Variants in NRXN3 observed in about 807,000 individuals in gnomAD.
NRXN3 encodes neurexin III.
A neutral mutation model predicts 137.6 loss-of-function variants in NRXN3; 32 were observed. The ratio of observed to expected loss-of-function variants is 0.23; its 90% CI spans 0.18 to 0.31. The LOEUF (loss-of-function observed/expected upper bound fraction) is 0.31. NRXN3 is among the 10% of genes least tolerant of loss of function. The probability of loss-of-function intolerance (pLI) is 1.00; values close to 1 mark genes in which losing one functional copy is unlikely to be tolerated. For synonymous variants in NRXN3, 798 were observed against 784.5 expected (o/e 1.02, Z -0.29); for missense variants, 1,574 against 2,062.5 (o/e 0.76, Z 4.59).
chr14:79,582,110 T>A (rs974152930), intron 16 of NRXN3, among the ~76,000 whole-genome samples: 1 of 152,066 alleles, frequency 6.6e-6, no homozygotes, highest in Admixed American at 6.6e-5. Context: ...TTTGTTTGTT[T>A]GTTTGTTTTT....
chr14:79,184,722 C>T (rs952981770), intron 15 of NRXN3, among the ~76,000 whole-genome samples: 10 of 152,106 alleles, frequency 6.6e-5, no homozygotes, highest in Admixed American at 2.6e-4. Context: ...AAAATGTCAT[C>T]CTTGGGACTT....
At chr14:79,467,889 A>G (rs2096451437) in intron 16 of NRXN3, among the ~76,000 whole-genome samples, 1 of 152,240 alleles carries the variant, frequency 6.6e-6, no homozygotes, top group Non-Finnish European at 1.5e-5. Context: ...AGGCAGCCAC[A>G]GACAATACAT....
chr14:79,021,361 G>C (rs1486239600), intron 15 of NRXN3, among the ~76,000 whole-genome samples: 1 of 152,202 alleles, frequency 6.6e-6, no homozygotes, highest in African/African-American at 2.4e-5. Flanking sequence ...TATGGAAGAT[G>C]CTCTTCAGCT....
chr14:79,776,178 G>A (rs1358331648), intron 19 of NRXN3, among the ~76,000 whole-genome samples: 1 of 152,122 alleles, frequency 6.6e-6, no homozygotes, highest in Non-Finnish European at 1.5e-5. Flanking sequence ...TGTTACTATG[G>A]TGATGTATTT....
chr14:78,983,868 A>G (rs146627598), intron 14 of NRXN3, among the ~76,000 whole-genome samples: 18,036 of 150,254 alleles, frequency 0.12, 1,463 homozygotes, highest in East Asian at 0.46. Context: ...AAAAAAAAAA[A>G]AAAAGAAAAA....
intron 10 of NRXN3, among the ~76,000 whole-genome samples, chr14:78,943,661 TATA>T (rs2099359492): frequency 1.2e-5 from 1 of 80,042 alleles, no homozygotes; most frequent in Admixed American, 1.2e-4. Context: ...TATATATATA[TATA>T]TATATATATA....
intron 4 of NRXN3, among the ~76,000 whole-genome samples, chr14:78,611,907 G>C (rs528089753): frequency 6.6e-6 from 1 of 152,188 alleles, no homozygotes; most frequent in African/African-American, 2.4e-5. Context: ...TTGTTGATAA[G>C]ATTGGTTTAT....
chr14:79,198,508 T>G (rs533114201), intron 15 of NRXN3, among the ~76,000 whole-genome samples: 1 of 152,340 alleles, frequency 6.6e-6, no homozygotes, highest in Non-Finnish European at 1.5e-5. Flanking sequence ...TTTGCTTCAT[T>G]AGACAGCTAT....
At chr14:79,463,628 C>T (rs2096382119) in intron 15 of NRXN3, among the ~76,000 whole-genome samples, 3 of 152,114 alleles carry the variant, frequency 2.0e-5, no homozygotes, top group Admixed American at 1.3e-4. Flanking sequence ...ACTTGCAAAT[C>T]CTGCAGTGTT....
At chr14:78,642,263 A>T (rs1360428802) in intron 4 of NRXN3, among the ~76,000 whole-genome samples, 1 of 152,202 alleles carries the variant, frequency 6.6e-6, no homozygotes, top group Non-Finnish European at 1.5e-5. Context: ...CAACTCACTT[A>T]TTTCTAGTCA....
intron 15 of NRXN3, among the ~76,000 whole-genome samples, chr14:79,031,919 T>A (rs2099608913): frequency 6.6e-6 from 1 of 152,104 alleles, no homozygotes; most frequent in South Asian, 2.1e-4. Context: ...CTGCAGAGGT[T>A]TGTGAAGAAG....
chr14:79,558,035 C>A (rs1426678007), intron 16 of NRXN3, among the ~76,000 whole-genome samples: 1 of 152,130 alleles, frequency 6.6e-6, no homozygotes, highest in Non-Finnish European at 1.5e-5. Context: ...CACTTTTCCT[C>A]ATCCATAAGC....
intron 15 of NRXN3, among the ~76,000 whole-genome samples, chr14:79,461,539 G>T (rs1011443322): frequency 1.3e-5 from 2 of 152,180 alleles, no homozygotes; most frequent in Non-Finnish European, 2.9e-5. Context: ...AAGAAATTGA[G>T]AAAATGTATT....
chr14:79,861,031 C>T lies in NRXN3; in HGVS notation c.4094-311C>T. 6.5e-6 allele frequency: 9 copies of T among 1,378,080 alleles called. No homozygotes were observed. The highest frequency in any genetic ancestry group is 3.7e-5 in the South Asian group (2 of 54,412). The allele number at this position is 1,378,080 out of a possible 1,614,324, so 85.4% of individuals were successfully genotyped here. Reference sequence around the variant, plus strand: ...ACTAATTGTTTTTCTTTTTCTTTTCCATCCCAGGAGGTGAATTAGTTATCC... The same window carrying T: ...ACTAATTGTTTTTCTTTTTCTTTTCTATCCCAGGAGGTGAATTAGTTATCC... On this transcript the variant is annotated intron_variant, in intron 20 of 20. Transcript: ENST00000335750. This position sits in a 1 kb window ranked among gnomAD's most constrained non-coding sequence, Gnocchi z 5.4.
intron 2 of NRXN3, among the ~76,000 whole-genome samples, chr14:78,276,469 G>T (rs1344326569): frequency 6.6e-6 from 1 of 152,200 alleles, no homozygotes; most frequent in Non-Finnish European, 1.5e-5. Flanking sequence ...AATTCAAAGT[G>T]ATGACAATCA....
At chr14:79,850,939 A>G (rs567944492) in intron 20 of NRXN3, among the ~76,000 whole-genome samples, 4 of 152,364 alleles carry the variant, frequency 2.6e-5, no homozygotes, top group African/African-American at 9.6e-5. Flanking sequence ...TTTAAAAAAT[A>G]CACATATGAT....
At chr14:79,160,864 GAGGTCATGAC>G (rs907547568) in intron 15 of NRXN3, among the ~76,000 whole-genome samples, 1 of 151,936 alleles carries the variant, frequency 6.6e-6, no homozygotes, top group African/African-American at 2.4e-5. Flanking sequence ...TTCTTGGGAA[GAGGTCATGAC>G]AACGCTTCAA....
chr14:79,643,440 C>A (rs2098441284), intron 16 of NRXN3, among the ~76,000 whole-genome samples: 1 of 134,926 alleles, frequency 7.4e-6, no homozygotes, highest in African/African-American at 2.5e-5. Flanking sequence ...CTCTCCTCTG[C>A]TTCTTCCCCA....
chr14:79,596,500 G>A (rs904149258), intron 16 of NRXN3, among the ~76,000 whole-genome samples: 7 of 152,134 alleles, frequency 4.6e-5, no homozygotes, highest in Non-Finnish European at 8.8e-5. Flanking sequence ...AAAGAAACAC[G>A]AAAAGCGGCT....
Sources: gnomAD v4.1 joint callset for allele counts (sites outside exome capture counted in the v4.1 genomes callset) on GRCh38, gnomAD v4.1.1 for gene constraint, Gnocchi (gnomAD v3.1) non-coding constraint, MANE v1.5 for transcripts, NCBI Gene and HGNC (gene_info 2026-07-23, HGNC 2026-07-21) for gene names.